DCDC2: variants seen among roughly 807,000 people sequenced by gnomAD.
DCDC2 encodes doublecortin domain containing 2.
Under a neutral mutation model 50.2 loss-of-function variants are expected in DCDC2, and 40 were observed. The ratio of observed to expected loss-of-function variants is 0.80; its 90% confidence interval spans 0.62 to 1.04. The LOEUF is 1.04. Among genes scored for constraint, DCDC2 ranks in the 50% least tolerant of loss-of-function variants. The pLI is 0.00. For missense variants in DCDC2, 570 were observed against 581.9 expected, an observed-to-expected ratio of 0.98 and a Z score of 0.21; for synonymous variants, 234 against 210.6, an observed-to-expected ratio of 1.11 and a Z score of -0.96.
At chr6:24,174,892 A>AT in intron 9 of DCDC2, 58 bp from the exon 10 acceptor site, 1 of 1,064,934 alleles carries the variant, frequency 9.4e-7, no homozygotes, top group Non-Finnish European at 1.3e-6. Flanking sequence ...AAAGGTAATG[A>AT]CATTTATAAA....
intron 2 of DCDC2, among the ~76,000 whole-genome samples, chr6:24,350,747 A>G (rs1760353396): frequency 6.6e-6 from 1 of 152,148 alleles, no homozygotes; most frequent in African/African-American, 2.4e-5. Flanking sequence ...TTCTCTATTG[A>G]TCTCCCTTTA....
chr6:24,313,436 AACTTACTACACCAT>A (rs1207975729), intron 2 of DCDC2, among the ~76,000 whole-genome samples: 1 of 152,124 alleles, frequency 6.6e-6, no homozygotes, highest in East Asian at 1.9e-4. Flanking sequence ...ATTCTTTCTT[AACTTACTACACCAT>A]ACTTAGATTT....
intron 2 of DCDC2, among the ~76,000 whole-genome samples, chr6:24,327,857 C>T (rs1439526234): frequency 6.6e-6 from 1 of 152,140 alleles, no homozygotes; most frequent in Admixed American, 6.5e-5. Context: ...TTTCTAAAAG[C>T]CTCTCAAATG....
chr6:24,235,445 C>A (rs967141594), intron 7 of DCDC2, among the ~76,000 whole-genome samples: 2 of 152,210 alleles, frequency 1.3e-5, no homozygotes, highest in Non-Finnish European at 2.9e-5. Context: ...AAGGTTAATT[C>A]ACCACAATCA....
Position 24,172,773 on chromosome 6 carries a change from C to T in DCDC2, c.*1957G>A, listed in dbSNP as rs1232312169. The T allele has an allele frequency of 6.6e-6, 1 of 152,014 alleles. No homozygotes were observed. Among genetic ancestry groups the T allele is most frequent in the Non-Finnish European group, 1.5e-5 (1 of 68,018 alleles). The allele number at this position is 152,014 out of a possible 1,614,324, so 9.4% of individuals were successfully genotyped here. A position where few individuals can be genotyped will look rare whatever the true frequency, so the allele number is the denominator to read the frequency against. On this transcript the variant is annotated 3_prime_UTR_variant, in exon 10 of 10. Coordinates refer to ENST00000378454, the MANE Select transcript of DCDC2 (RefSeq NM_016356.5). ...TTTTGGGATGCAAAGGCGGGCGGATCACCTGAGGTCAGGAGTTTGAGACCA... is the reference window on the plus strand; with the variant it reads ...TTTTGGGATGCAAAGGCGGGCGGATTACCTGAGGTCAGGAGTTTGAGACCA...
intron 2 of DCDC2, among the ~76,000 whole-genome samples, chr6:24,329,766 A>G (rs1759935055): frequency 6.6e-6 from 1 of 152,216 alleles, no homozygotes; most frequent in Admixed American, 6.6e-5. Context: ...TTCCTGCGCT[A>G]TCTTCTATCA....
intron 8 of DCDC2, among the ~76,000 whole-genome samples, chr6:24,201,929 G>C (rs1761597912): frequency 6.6e-6 from 1 of 151,998 alleles, no homozygotes; most frequent in Admixed American, 6.6e-5. Context: ...ACCCTCCCAA[G>C]ACTAAACCAG....
At chr6:24,288,058 G>A (rs1195440199) in intron 6 of DCDC2, among the ~76,000 whole-genome samples, 1 of 152,118 alleles carries the variant, frequency 6.6e-6, no homozygotes, top group African/African-American at 2.4e-5. Flanking sequence ...AAAAAAAGGA[G>A]GGATCTAAAT....
chr6:24,260,202 T>G (rs1303873324), intron 7 of DCDC2, among the ~76,000 whole-genome samples: 1 of 152,108 alleles, frequency 6.6e-6, no homozygotes, highest in Non-Finnish European at 1.5e-5. Flanking sequence ...AACTGAGTCT[T>G]GGGAGGGGGA....
intron 4 of DCDC2, among the ~76,000 whole-genome samples, chr6:24,292,437 A>G (rs1763772090): frequency 6.6e-6 from 1 of 152,152 alleles, no homozygotes; most frequent in Non-Finnish European, 1.5e-5. Context: ...AATAGCCACC[A>G]ATAGCCACCA....
intron 2 of DCDC2, among the ~76,000 whole-genome samples, chr6:24,331,829 C>T (rs1759970048): frequency 6.6e-6 from 1 of 152,122 alleles, no homozygotes; most frequent in African/African-American, 2.4e-5. Context: ...TAATCCTCCA[C>T]AGGAAAAAAT....
rs185731857 is a variant in DCDC2 at position 24,308,676 on chromosome 6, A to T, written c.349-6632T>A. ...ATAAATGTTATAAATACGTTAAAAAATTCAGTAGAAAAGGTGGAAAAATGA... is the reference window on the plus strand; with the variant it reads ...ATAAATGTTATAAATACGTTAAAAATTTCAGTAGAAAAGGTGGAAAAATGA... On this transcript the variant is annotated intron_variant, in intron 2 of 9. Transcript: ENST00000378454. Among the ~76,000 whole-genome samples the T allele has an allele frequency of 4.2e-3, 635 of 152,326 alleles. 12 individuals carry two copies. The highest frequency in any genetic ancestry group is 0.036 in the Admixed American group (557 of 15,300).
At chr6:24,196,166 G>A (rs1188943231) in intron 8 of DCDC2, among the ~76,000 whole-genome samples, 1 of 151,816 alleles carries the variant, frequency 6.6e-6, no homozygotes, top group Admixed American at 6.6e-5. Flanking sequence ...AGTATACCAT[G>A]ACTATATTTC....
rs1285257741 is a variant in DCDC2, at chr6:24,172,857, T to C, written c.*1873A>G. The C allele has an allele frequency of 6.6e-6, 1 of 151,852 alleles. No homozygotes were observed. Among genetic ancestry groups the C allele is most frequent in the Non-Finnish European group, 1.5e-5 (1 of 68,016 alleles). 9.4% of individuals were successfully genotyped at this position (151,852 alleles called of 1,614,324 possible). ...AAAAAATACAAAAATTAGCCAGGTG[T>C]GGTGGCAGATGCCTGTAATCCCAGC... is the stretch of plus-strand genomic sequence containing the variant. On this transcript the variant is annotated 3_prime_UTR_variant, in exon 10 of 10. Transcript: ENST00000378454.
At position 24,330,951 on chromosome 6, in the gene DCDC2, A is replaced by G. The variant is rs566810778; in HGVS notation, c.348+22618T>C. Among the ~76,000 whole-genome samples the G allele has an allele frequency of 7.9e-5, 12 of 152,336 alleles. No individual in the cohort carries two copies. In the South Asian group the frequency reaches 2.3e-3, roughly 29 times the overall value. ...CAACTGGGATATTTACTTTAAAACT[A>G]CAATATTTGAGGAGAAAAAGAATAT... is the stretch of plus-strand genomic sequence containing the variant. On this transcript the variant is annotated intron_variant, in intron 2 of 9. Coordinates refer to ENST00000378454, the MANE Select transcript of DCDC2 (RefSeq NM_016356.5).
intron 2 of DCDC2, among the ~76,000 whole-genome samples, chr6:24,315,967 A>C (rs1340695): frequency 0.12 from 18,067 of 152,198 alleles, 1,751 homozygotes; most frequent in East Asian, 0.51. Context: ...GGTGAAGCCT[A>C]GATACATGTT....
intron 7 of DCDC2, among the ~76,000 whole-genome samples, chr6:24,209,231 C>A (rs1761802046): frequency 6.6e-6 from 1 of 152,174 alleles, no homozygotes; most frequent in South Asian, 2.1e-4. Flanking sequence ...AAAAGTATTA[C>A]CCTTTTTATC....
chr6:24,245,798 T>C (rs942872519), intron 7 of DCDC2, among the ~76,000 whole-genome samples: 5 of 151,980 alleles, frequency 3.3e-5, no homozygotes, highest in African/African-American at 1.2e-4. Flanking sequence ...ACAGAAACAA[T>C]ACTGAAAGAA....
chr6:24,183,187 A>G (rs1248283781), intron 8 of DCDC2, among the ~76,000 whole-genome samples: 2 of 152,210 alleles, frequency 1.3e-5, no homozygotes, highest in African/African-American at 2.4e-5. Context: ...CAGTTTTGCA[A>G]GACGAAAAGA....
Sources: gnomAD v4.1 joint callset for allele counts (sites outside exome capture counted in the v4.1 genomes callset) on GRCh38, gnomAD v4.1.1 for gene constraint, MANE v1.5 for transcripts, NCBI Gene and HGNC (gene_info 2026-07-23, HGNC 2026-07-21) for gene names.